The following PCDHA1 variants were observed in gnomAD, a reference collection of about 807,000 sequenced individuals.
The protein encoded by PCDHA1 is protocadherin alpha 1.
In PCDHA1, 42 loss-of-function variants were observed where a neutral mutation model predicts 61.3. That is an observed-to-expected ratio of 0.69 (90% CI 0.54 to 0.89). PCDHA1 has a LOEUF of 0.89. PCDHA1 is among the 40% of genes least tolerant of loss of function. PCDHA1 has a pLI of 0.00. For synonymous variants in PCDHA1, 610 were observed against 553.8 expected (o/e 1.10, Z -1.43); for missense variants, 1,256 against 1,235.3 (o/e 1.02, Z -0.25).
chr5:140,836,457 G>A (rs2150261358), intron 1 of PCDHA1: 82,082 of 1,613,792 alleles, frequency 0.051, 3,121 homozygotes, highest in Middle Eastern at 0.086. Context: ...CCCAGAGACC[G>A]AGCTGGTGGA....
At chr5:140,883,697 G>A (rs376619145) in intron 1 of PCDHA1, 3 of 1,613,880 alleles carry the variant, frequency 1.9e-6, no homozygotes, top group South Asian at 1.1e-5. Flanking sequence ...CATCTTCACG[G>A]TGTCTGCTCA....
At chr5:140,949,234 A>C (rs2094354068) in intron 1 of PCDHA1, among the ~76,000 whole-genome samples, 1 of 151,820 alleles carries the variant, frequency 6.6e-6, no homozygotes, top group South Asian at 2.1e-4. Flanking sequence ...TCTGTGGCCC[A>C]GCAACAGTCT....
chr5:140,823,605 G>A (rs971039767), intron 1 of PCDHA1: 1 of 1,614,052 alleles, frequency 6.2e-7, no homozygotes, highest in Admixed American at 1.7e-5. Context: ...CGTATGAGCT[G>A]CAGCCAGCGC....
chr5:140,967,140 C>T (rs781814682), intron 1 of PCDHA1: 4 of 1,611,022 alleles, frequency 2.5e-6, no homozygotes, highest in East Asian at 2.2e-5. Flanking sequence ...GAAGTGCTGG[C>T]GCACAACCCC....
chr5:140,837,389 T>A (rs1775035247), intron 1 of PCDHA1, among the ~76,000 whole-genome samples: 1 of 151,976 alleles, frequency 6.6e-6, no homozygotes, highest in Non-Finnish European at 1.5e-5. Context: ...TTGTTCCTTG[T>A]TTGTATAAGA....
rs2150156019 is a variant in PCDHA1 at position 140,828,493 on chromosome 5, G to A, written c.2394+39809G>A. 45 of 1,614,112 alleles carry A rather than the reference G, an allele frequency of 2.8e-5. No individual in the cohort carries two copies. In the Middle Eastern group the frequency reaches 8.2e-4, roughly 29 times the overall value. ...TTAACGACAACCCGCCCTTGTTCCC[G>A]GTAGAGGAACAAAGAGTGCTGATTT... On this transcript the variant is annotated intron_variant, in intron 1 of 3. Transcript: ENST00000504120.
At chr5:140,883,024 A>G (rs782136244) in intron 1 of PCDHA1, 3 of 1,614,184 alleles carry the variant, frequency 1.9e-6, no homozygotes, top group Non-Finnish European at 2.5e-6. Context: ...TGACGGTGTT[A>G]GAGAACGCCT....
In PCDHA1 at chr5:141,005,071, G is replaced by A. The variant is rs115656219; in HGVS notation, c.2543-4556G>A. On this transcript the variant is annotated intron_variant, in intron 3 of 3. Coordinates refer to ENST00000504120, the MANE Select transcript of PCDHA1 (RefSeq NM_018900.4). ...TACTGAATTCTTGCATTGTGCTAAG[G>A]ATCAAGCTTAGTACTTTACATGCAT... 5.2e-3 allele frequency among the ~76,000 whole-genome samples: 796 copies of A among 152,278 alleles called. 8 individuals are homozygous for A. The highest frequency in any genetic ancestry group is 0.018 in the African/African-American group (745 of 41,556).
At chr5:140,871,082 C>G in intron 1 of PCDHA1, 1 of 1,613,246 alleles carries the variant, frequency 6.2e-7, no homozygotes, top group South Asian at 1.1e-5. Context: ...GCGCTGACGG[C>G]CACGGCCACC....
intron 1 of PCDHA1, chr5:140,968,002 G>A: frequency 6.2e-7 from 1 of 1,614,208 alleles, no homozygotes; most frequent in South Asian, 1.1e-5. Flanking sequence ...CTTTCCGACT[G>A]AATGGCTTTG....
chr5:140,946,611 AATATATATAT>A (rs1554217734), intron 1 of PCDHA1, among the ~76,000 whole-genome samples: 3 of 86,806 alleles, frequency 3.5e-5, no homozygotes, highest in African/African-American at 1.3e-4. Flanking sequence ...GAAAATGTGA[AATATATATAT>A]ATATATATAT....
chr5:140,869,431 G>T lies in PCDHA1; in HGVS notation c.2394+80747G>T, dbSNP rs782430805. ...GTGCAGCATCCACCTGGAGGTGATC[G>T]TGGACAGGCCGCTGCAGGTTTTCCA... is the stretch of plus-strand genomic sequence containing the variant. On this transcript the variant is annotated intron_variant, in intron 1 of 3. Transcript: ENST00000504120. The T allele has an allele frequency of 3.7e-6, 6 of 1,614,204 alleles. No individual in the cohort carries two copies. In the South Asian group the frequency reaches 5.5e-5, roughly 15 times the overall value.
rs61743800 is a variant in PCDHA1, at chr5:140,787,754, G to T, written c.1464G>T (p.Ala488=). 3.1e-6 allele frequency: 5 copies of T among 1,613,348 alleles called. No individual in the cohort carries two copies. The highest frequency in any genetic ancestry group is 2.2e-5 in the East Asian group (1 of 44,872). Reference sequence around the variant, plus strand: ...GGGACGCGGACGCGCAGGAGAACGCGCTGGTGTCCTATTCGCTGGTGGAAC... The same window carrying T: ...GGGACGCGGACGCGCAGGAGAACGCTCTGGTGTCCTATTCGCTGGTGGAAC... ...SARDADAQEN[A]LVSYSLVERR... The change falls in exon 1 of 4, where the codon GCG becomes GCT. Residue 488 remains alanine, a synonymous_variant. Coordinates refer to ENST00000504120, the MANE Select transcript of PCDHA1 (RefSeq NM_018900.4).
At chr5:140,867,777 A>C (rs1477276984) in intron 1 of PCDHA1, 1 of 152,128 alleles carries the variant, frequency 6.6e-6, no homozygotes, top group Non-Finnish European at 1.5e-5. Context: ...CTCATAAGCA[A>C]TTCCTGTATT....
chr5:140,966,355 G>C (rs2095993623), intron 1 of PCDHA1: 1 of 400,198 alleles, frequency 2.5e-6, no homozygotes, highest in Non-Finnish European at 4.4e-6. Context: ...AGGAGATGGG[G>C]CTGGAGAGGC....
At chr5:140,900,425 G>T (rs577250354) in intron 1 of PCDHA1, among the ~76,000 whole-genome samples, 1 of 152,236 alleles carries the variant, frequency 6.6e-6, no homozygotes, top group African/African-American at 2.4e-5. Context: ...TTATAGGCAC[G>T]TGCCACCACG....
chr5:140,963,496 A>C (rs1554226617), intron 1 of PCDHA1, among the ~76,000 whole-genome samples: 2 of 152,232 alleles, frequency 1.3e-5, no homozygotes, highest in African/African-American at 2.4e-5. Context: ...TGAGGAAACA[A>C]ATCTCTTGAA....
chr5:140,856,246 G>T (rs782761072), intron 1 of PCDHA1: 2 of 1,598,030 alleles, frequency 1.3e-6, no homozygotes, highest in Admixed American at 1.7e-5. Flanking sequence ...TCCGGGTGGC[G>T]TCCAAAAGAC....
Position 140,870,192 on chromosome 5 carries a change from G to T in PCDHA1, c.2394+81508G>T. 6 of 1,614,158 alleles carry T rather than the reference G, an allele frequency of 3.7e-6. No homozygotes were observed. Among genetic ancestry groups the T allele is most frequent in the Non-Finnish European group, 5.1e-6 (6 of 1,180,034 alleles). ...CCCTCCCAGTACGAGAGGACGCTCAGCCCAGCACGGTCATTGCCCTGATCA... is the reference window on the plus strand; with the variant it reads ...CCCTCCCAGTACGAGAGGACGCTCATCCCAGCACGGTCATTGCCCTGATCA... On this transcript the variant is annotated intron_variant, in intron 1 of 3. Coordinates refer to ENST00000504120, the MANE Select transcript of PCDHA1 (RefSeq NM_018900.4).
Sources: gnomAD v4.1 joint callset for allele counts (sites outside exome capture counted in the v4.1 genomes callset) on GRCh38, gnomAD v4.1.1 for gene constraint, MANE v1.5 for transcripts, NCBI Gene and HGNC (gene_info 2026-07-23, HGNC 2026-07-21) for gene names.